The following GABRA3 variants were observed in gnomAD, a reference collection of about 807,000 sequenced individuals.
The protein encoded by GABRA3 is gamma-aminobutyric acid type A receptor subunit alpha3.
A neutral mutation model predicts 30.1 loss-of-function variants in GABRA3; 10 were observed. The observed-to-expected ratio is 0.33, with a 90% CI of 0.20 to 0.56. The LOEUF (loss-of-function observed/expected upper bound fraction) is 0.56. GABRA3 is among the 20% of genes least tolerant of loss of function. GABRA3 has a pLI of 0.89. For missense variants in GABRA3, 233 were observed against 392.0 expected (o/e 0.59, Z 3.42); for synonymous variants, 151 against 146.8 (o/e 1.03, Z -0.21).
chrX:152,334,612 C>T (rs1201095072), intron 3 of GABRA3, among the ~76,000 whole-genome samples: 1 of 111,218 alleles, frequency 9.0e-6, no homozygotes, highest in Non-Finnish European at 1.9e-5. Context: ...AGCCTGTTCT[C>T]AAATTTCTGG....
chrX:152,168,254 T>C lies in GABRA3; in HGVS notation c.1453A>G (p.Ile485Val). 4 of 1,211,154 alleles carry C rather than the reference T, an allele frequency of 3.3e-6. No individual in the cohort carries two copies. Among genetic ancestry groups the C allele is most frequent in the East Asian group, 3.0e-5 (1 of 33,833 alleles). Residue 485 changes from isoleucine (I) to valine (V), a missense_variant, in exon 10 of 10, where the codon ATC (isoleucine) becomes GTC (valine). Coordinates refer to ENST00000370314, the MANE Select transcript of GABRA3 (RefSeq NM_000808.4). ...TACTGTTTGCGGATCATGCCCTTGATAGCTGACTCCCGGTTGACATATGTG... is the reference window on the plus strand; with the variant it reads ...TACTGTTTGCGGATCATGCCCTTGACAGCTGACTCCCGGTTGACATATGTG... ...WATYVNRESAIKGMIRKQ is the reference protein window; with the variant it reads ...WATYVNRESAVKGMIRKQ
At chrX:152,293,213 T>A (rs1939455952) in intron 3 of GABRA3, among the ~76,000 whole-genome samples, 2 of 111,248 alleles carry the variant, frequency 1.8e-5, no homozygotes, top group African/African-American at 6.6e-5. Context: ...TCTAAGGACT[T>A]CCTTTATGAA....
chrX:152,451,268 C>CCT lies in GABRA3; in HGVS notation c.-151_-150dup, dbSNP rs1931216361. 1 of 108,972 alleles carries CCT rather than the reference C, an allele frequency of 9.2e-6. No individual in the cohort carries two copies. The highest frequency in any genetic ancestry group is 4.1e-4 in the South Asian group (1 of 2,437). 9.0% of individuals were successfully genotyped at this position (108,972 alleles called of 1,213,427 possible). ...CTCTCTCTGGGTCTCTCTCCTGGTC[C>CCT]CTCTCTCGGTCTGTCTCTCTGGTTT... On this transcript the variant is annotated 5_prime_UTR_variant, in exon 1 of 10. Transcript: ENST00000370314.
intron 4 of GABRA3, among the ~76,000 whole-genome samples, chrX:152,278,450 T>C (rs1218345374): frequency 9.0e-6 from 1 of 111,539 alleles, no homozygotes; most frequent in Non-Finnish European, 1.9e-5. Context: ...CATCAGTTTT[T>C]ATGGCTGCAT....
In GABRA3 at chrX:152,168,173, G is replaced by T. The variant is rs1936959120; in HGVS notation, c.*55C>A. Reference sequence around the variant, plus strand: ...CGAAGGGGAGCCCCGGGGTTTGGGTGCCTGGATGCTTCACGGGGTATACAG... The same window carrying T: ...CGAAGGGGAGCCCCGGGGTTTGGGTTCCTGGATGCTTCACGGGGTATACAG... On this transcript the variant is annotated 3_prime_UTR_variant, in exon 10 of 10. Coordinates refer to ENST00000370314, the MANE Select transcript of GABRA3 (RefSeq NM_000808.4). 2.9e-6 allele frequency: 3 copies of T among 1,025,151 alleles called. No individual in the cohort carries two copies. Among genetic ancestry groups the T allele is most frequent in the Admixed American group, 2.2e-5 (1 of 44,473 alleles). The allele number at this position is 1,025,151 out of a possible 1,213,427, so 84.5% of individuals were successfully genotyped here. A position where few individuals can be genotyped will look rare whatever the true frequency, so the allele number is the denominator to read the frequency against.
chrX:152,304,393 T>C (rs189525065), intron 3 of GABRA3, among the ~76,000 whole-genome samples: 1 of 112,203 alleles, frequency 8.9e-6, no homozygotes, highest in East Asian at 2.8e-4. Context: ...TTGAGAAGGG[T>C]ATTTCCTAGA....
chrX:152,230,586 T>C (rs1938049358), intron 5 of GABRA3, among the ~76,000 whole-genome samples: 2 of 111,077 alleles, frequency 1.8e-5, no homozygotes, highest in South Asian at 7.4e-4. Context: ...GTAATCAATA[T>C]GGTGCAGTTT....
At chrX:152,284,908 A>G (rs1265631978) in intron 3 of GABRA3, among the ~76,000 whole-genome samples, 173 bp from the exon 4 acceptor site, 1 of 111,615 alleles carries the variant, frequency 9.0e-6, no homozygotes, top group Non-Finnish European at 1.9e-5. Flanking sequence ...CTAGGTACAG[A>G]CTCAAAGTCT....
chrX:152,396,466 A>C lies in GABRA3; in HGVS notation c.-26-31870T>G, dbSNP rs1929664945. The stretch of plus-strand genomic sequence containing the variant: ...ATGTTTAAATGACTGCATGGTGTAT[A>C]AATATCTCCCCCTGTAGTTTTACCA... On this transcript the variant is annotated intron_variant, in intron 1 of 9. Transcript: ENST00000370314. 2.7e-5 allele frequency among the ~76,000 whole-genome samples: 3 copies of C among 111,929 alleles called. No homozygotes were observed. The Admixed American group carries it at 2.8e-4, about 11-fold the overall frequency.
intron 1 of GABRA3, among the ~76,000 whole-genome samples, chrX:152,422,453 T>G (rs985711620): frequency 9.0e-6 from 1 of 111,059 alleles, no homozygotes; most frequent in Non-Finnish European, 1.9e-5. Context: ...TGTGTTAATT[T>G]TTTTTTTATT....
intron 3 of GABRA3, among the ~76,000 whole-genome samples, chrX:152,292,087 G>T (rs1220910581): frequency 3.6e-5 from 4 of 111,582 alleles, no homozygotes; most frequent in African/African-American, 9.8e-5. Context: ...GTTTCAAAAA[G>T]ATGGTACCAG....
At chrX:152,201,209 C>T (rs1196805882) in intron 7 of GABRA3, among the ~76,000 whole-genome samples, 1 of 111,557 alleles carries the variant, frequency 9.0e-6, no homozygotes, top group Non-Finnish European at 1.9e-5. Flanking sequence ...CTCTATATAT[C>T]TTCTTCTCTG....
At chrX:152,169,200 G>A (rs111620992) in intron 9 of GABRA3, among the ~76,000 whole-genome samples, 223 of 112,521 alleles carry the variant, frequency 2.0e-3, no homozygotes, top group African/African-American at 6.5e-3. Context: ...AGCTTGGTGA[G>A]TCTGAAAAGT....
At chrX:152,418,691 A>C (rs1409506724) in intron 1 of GABRA3, among the ~76,000 whole-genome samples, 1 of 111,897 alleles carries the variant, frequency 8.9e-6, no homozygotes, top group African/African-American at 3.2e-5. Context: ...CAATGAAATA[A>C]AAAATCTGTA....
intron 1 of GABRA3, among the ~76,000 whole-genome samples, chrX:152,390,761 C>T (rs1304272759): frequency 2.7e-5 from 3 of 110,610 alleles, no homozygotes; most frequent in African/African-American, 9.9e-5. Flanking sequence ...ACGATGATAA[C>T]GATGATGAGG....
chrX:152,332,364 A>G (rs770645020), intron 3 of GABRA3, among the ~76,000 whole-genome samples: 278 of 111,623 alleles, frequency 2.5e-3, no homozygotes, highest in Admixed American at 5.6e-3. Flanking sequence ...TTCTCAAAAA[A>G]AGCTATGCTA....
intron 5 of GABRA3, among the ~76,000 whole-genome samples, chrX:152,228,329 C>T (rs941351496): frequency 1.8e-5 from 2 of 111,788 alleles, no homozygotes; most frequent in South Asian, 3.7e-4. Context: ...CTTTTTCTGT[C>T]TCCTCTGTGC....
At chrX:152,426,654 C>T (rs941828051) in intron 1 of GABRA3, among the ~76,000 whole-genome samples, 4 of 111,780 alleles carry the variant, frequency 3.6e-5, no homozygotes, top group African/African-American at 6.5e-5. Context: ...TTCCTTTCTC[C>T]GTACTTTCTT....
chrX:152,329,443 A>G (rs772279427), intron 3 of GABRA3, among the ~76,000 whole-genome samples: 2 of 112,088 alleles, frequency 1.8e-5, no homozygotes, highest in Non-Finnish European at 3.8e-5. Context: ...CCGACTTCAA[A>G]TTATACTACA....
Sources: gnomAD v4.1 joint callset for allele counts (sites outside exome capture counted in the v4.1 genomes callset) on GRCh38, gnomAD v4.1.1 for gene constraint, MANE v1.5 for transcripts, NCBI Gene and HGNC (gene_info 2026-07-23, HGNC 2026-07-21) for gene names.